Variants in RHPN2 observed in about 807,000 individuals in gnomAD.
RHPN2 encodes the protein rhophilin Rho GTPase binding protein 2, also known as rhophilin-2.
Under a neutral mutation model 79.0 loss-of-function variants are expected in RHPN2, and 40 were observed. The observed-to-expected ratio is 0.51, with a 90% CI of 0.39 to 0.66. RHPN2 has a LOEUF of 0.66. Ranked by LOEUF, RHPN2 falls within the 30% of genes least tolerant of loss-of-function variation. RHPN2 has a pLI of 0.00. For synonymous variants in RHPN2, 285 were observed against 363.5 expected (o/e 0.78, Z 2.46); for missense variants, 686 against 883.5 (o/e 0.78, Z 2.83).
chr19:33,012,534 A>C lies in RHPN2; in HGVS notation c.468+113T>G. The C allele has an allele frequency of 6.3e-6, 5 of 792,086 alleles. No homozygotes were observed. The South Asian group carries it at 6.8e-5, about 11-fold the overall frequency. The allele number at this position is 792,086 out of a possible 1,614,324, so 49.1% of individuals were successfully genotyped here. The stretch of plus-strand genomic sequence containing the variant: ...GAATGGATGATTCCAGCACCCCCCA[A>C]CCATCACCTCTATCCACCCGCGATT... On this transcript the variant is annotated intron_variant, in intron 5 of 14. Transcript: ENST00000254260.
chr19:33,003,396 G>GAA (rs1266676960), intron 7 of RHPN2, among the ~76,000 whole-genome samples: 10 of 122,224 alleles, frequency 8.2e-5, no homozygotes, highest in South Asian at 5.5e-4. Context: ...AAAGACAGGA[G>GAA]AAAAAAAAAA....
intron 10 of RHPN2, among the ~76,000 whole-genome samples, chr19:32,999,275 A>C (rs1971729444): frequency 6.6e-6 from 1 of 152,132 alleles, no homozygotes; most frequent in South Asian, 2.1e-4. Flanking sequence ...TCAGCCATGC[A>C]TAAGGAAATC....
At chr19:33,062,977 G>A (rs1009494930) in intron 1 of RHPN2, among the ~76,000 whole-genome samples, 7 of 151,992 alleles carry the variant, frequency 4.6e-5, no homozygotes, top group East Asian at 1.9e-4. Context: ...TTCTCTTGCT[G>A]CCATTTTCCC....
At chr19:32,981,426 GC>G (rs1266450535) in intron 14 of RHPN2, among the ~76,000 whole-genome samples, 24 of 112,506 alleles carry the variant, frequency 2.1e-4, no homozygotes, top group Admixed American at 4.8e-4. Context: ...AAGGGGGGGG[GC>G]GGGGGGAAGG....
intron 1 of RHPN2, among the ~76,000 whole-genome samples, chr19:33,058,225 C>T (rs1316955001): frequency 6.6e-6 from 1 of 152,158 alleles, no homozygotes; most frequent in Admixed American, 6.6e-5. Flanking sequence ...CAACAAAGCA[C>T]CAATTCCCAG....
chr19:33,034,063 G>A (rs1972034558), intron 2 of RHPN2, among the ~76,000 whole-genome samples: 1 of 142,312 alleles, frequency 7.0e-6, no homozygotes, highest in African/African-American at 2.7e-5. Context: ...TAAACATATT[G>A]CCCAGGCTGG....
chr19:33,034,946 T>C (rs1972045169), intron 2 of RHPN2, among the ~76,000 whole-genome samples: 1 of 151,848 alleles, frequency 6.6e-6, no homozygotes. Flanking sequence ...AACAAATATG[T>C]TTTTTATTTT....
intron 4 of RHPN2, 44 bp downstream of exon 4, chr19:33,021,527 C>T (rs773834340): frequency 2.8e-5 from 43 of 1,532,884 alleles, no homozygotes; most frequent in Non-Finnish European, 3.8e-5. Context: ...TGGCCTATTT[C>T]CATTTTAAAC....
At chr19:33,007,496 A>ATAAG (rs1971800878) in intron 7 of RHPN2, among the ~76,000 whole-genome samples, 1 of 46,220 alleles carries the variant, frequency 2.2e-5, no homozygotes, top group African/African-American at 9.0e-5. Flanking sequence ...TCATAAATAA[A>ATAAG]TAAATAAATA....
At chr19:33,037,794 C>T (rs187335943) in intron 2 of RHPN2, among the ~76,000 whole-genome samples, 1 of 152,140 alleles carries the variant, frequency 6.6e-6, no homozygotes, top group Non-Finnish European at 1.5e-5. Flanking sequence ...ACTGTAACAC[C>T]GCGAGGGTCC....
chr19:32,978,827 T>C lies in RHPN2; in HGVS notation c.*1169A>G, dbSNP rs1162463725. 3 of 152,546 alleles carry C rather than the reference T, an allele frequency of 2.0e-5. No homozygotes were observed. The highest frequency in any genetic ancestry group is 3.8e-4 in the East Asian group (2 of 5,198). The allele number at this position is 152,546 out of a possible 1,614,324, so 9.4% of individuals were successfully genotyped here. On this transcript the variant is annotated 3_prime_UTR_variant, in exon 15 of 15. Transcript: ENST00000254260. ...CATCGAACTTATAGCAAGATAAAAATCAATCAGTAGGAATGTCATTTTAAA... is the reference window on the plus strand; with the variant it reads ...CATCGAACTTATAGCAAGATAAAAACCAATCAGTAGGAATGTCATTTTAAA...
intron 2 of RHPN2, among the ~76,000 whole-genome samples, chr19:33,042,667 C>T (rs1444951861): frequency 6.6e-6 from 1 of 152,178 alleles, no homozygotes; most frequent in Non-Finnish European, 1.5e-5. Flanking sequence ...CACAGTGGCT[C>T]ATGTTTGTAA....
chr19:33,047,941 TAATAAA>T (rs1190511785), intron 1 of RHPN2, among the ~76,000 whole-genome samples: 2 of 151,928 alleles, frequency 1.3e-5, no homozygotes, highest in African/African-American at 4.8e-5. Flanking sequence ...TTTTAAATAA[TAATAAA>T]AATAAAAGAC....
chr19:33,048,276 G>A (rs1400263402), intron 1 of RHPN2, among the ~76,000 whole-genome samples: 2 of 151,520 alleles, frequency 1.3e-5, no homozygotes, highest in Admixed American at 6.6e-5. Context: ...GGCTGGTCTC[G>A]AACTCCTGAC....
chr19:33,025,987 T>G (rs1404129891), intron 3 of RHPN2, among the ~76,000 whole-genome samples: 1 of 149,064 alleles, frequency 6.7e-6, no homozygotes, highest in Admixed American at 6.7e-5. Flanking sequence ...ATTTGTTTTT[T>G]TTTTTTTTTG....
intron 1 of RHPN2, among the ~76,000 whole-genome samples, chr19:33,044,766 C>T (rs969724661): frequency 2.0e-5 from 3 of 152,090 alleles, no homozygotes; most frequent in Non-Finnish European, 4.4e-5. Context: ...TGGTGGTGGG[C>T]GCCTATAATC....
rs1971589285 is a variant in RHPN2 at position 32,983,175 on chromosome 19, A to ACACG, written c.1801-2920_1801-2919insCGTG. On this transcript the variant is annotated intron_variant, in intron 14 of 14. Transcript: ENST00000254260. ...TACACACACACAAACACACACACAC[A>ACACG]CACACACACACACTCCTGCAATGCG... 2.0e-5 allele frequency among the ~76,000 whole-genome samples: 3 copies of ACACG among 151,480 alleles called. No individual in the cohort carries two copies. In the South Asian group the frequency reaches 6.3e-4, roughly 32 times the overall value.
intron 2 of RHPN2, among the ~76,000 whole-genome samples, chr19:33,036,495 G>A (rs1456040386): frequency 6.6e-6 from 1 of 152,220 alleles, no homozygotes; most frequent in African/African-American, 2.4e-5. Context: ...CACAGCCCTC[G>A]CTTGCTCTTG....
At chr19:33,059,298 T>C (rs1972260174) in intron 1 of RHPN2, among the ~76,000 whole-genome samples, 1 of 135,486 alleles carries the variant, frequency 7.4e-6, no homozygotes. Context: ...TTTTTTCTTT[T>C]ATCATTTTTT....
Sources: allele counts gnomAD v4.1 joint callset (sites outside exome capture counted in the v4.1 genomes callset), GRCh38; gene constraint gnomAD v4.1.1; transcripts MANE v1.5; gene names NCBI Gene and HGNC (gene_info 2026-07-23, HGNC 2026-07-21).